ARFGEF2: variants seen among roughly 807,000 people sequenced by gnomAD.
ARFGEF2 encodes the protein brefeldin A-inhibited guanine nucleotide-exchange protein 2.
In ARFGEF2, 74 loss-of-function variants were observed where a neutral mutation model predicts 219.9. That is an observed-to-expected ratio of 0.34 (90% CI 0.28 to 0.41). The LOEUF is 0.41. ARFGEF2 is among the 10% of genes least tolerant of loss of function. ARFGEF2 has a pLI of 1.00. For missense variants in ARFGEF2, 1,743 were observed against 2,218.3 expected (o/e 0.79, Z 4.30); for synonymous variants, 733 against 799.2 (o/e 0.92, Z 1.40).
At chr20:48,929,272 T>TTA (rs1249614096) in intron 1 of ARFGEF2, among the ~76,000 whole-genome samples, 1 of 152,260 alleles carries the variant, frequency 6.6e-6, no homozygotes, top group Non-Finnish European at 1.5e-5. Flanking sequence ...TTATTAGGTT[T>TTA]TATACCTTTG....
At chr20:48,922,566 A>T (rs1002737506) in intron 1 of ARFGEF2, among the ~76,000 whole-genome samples, 1 of 152,250 alleles carries the variant, frequency 6.6e-6, no homozygotes, top group Admixed American at 6.5e-5. Flanking sequence ...ACATCTGCTT[A>T]TTCCTAGCAG....
In ARFGEF2 at chr20:48,985,393, G is replaced by C. The variant is rs2091321159; in HGVS notation, c.2071-15G>C. 1.2e-6 allele frequency: 2 copies of C among 1,613,904 alleles called. No homozygotes were observed. Among genetic ancestry groups the C allele is most frequent in the Middle Eastern group, 1.6e-4 (1 of 6,062 alleles). ...TTTGACAATTTCTGGATATAAGTGAGTGTGTATGTTTCAGACCCAAGTAGG... is the reference window on the plus strand; with the variant it reads ...TTTGACAATTTCTGGATATAAGTGACTGTGTATGTTTCAGACCCAAGTAGG... On this transcript the variant is annotated splice_polypyrimidine_tract_variant and intron_variant, in intron 15 of 38. Coordinates refer to ENST00000371917, the MANE Select transcript of ARFGEF2 (RefSeq NM_006420.3).
Position 49,010,341 on chromosome 20 carries a change from G to A in ARFGEF2, c.3694G>A (p.Ala1232Thr). The A allele has an allele frequency of 6.2e-7, 1 of 1,614,172 alleles. No individual in the cohort carries two copies. Residue 1232 changes from alanine to threonine, a missense_variant, in exon 27 of 39, where the codon GCA (alanine) becomes ACA (threonine). Physicochemically the swap from Ala to Thr is moderately conservative, Grantham distance 58. Transcript: ENST00000371917. ...WKNIFAVFHQ[A>T]ASDHDGNIVE... ...GAACATCTTTGCCGTGTTCCACCAG[G>A]CAGCCTCTGATCATGATGGGAACAT...
chr20:48,951,855 C>T (rs1168467309), intron 4 of ARFGEF2, among the ~76,000 whole-genome samples: 1 of 152,070 alleles, frequency 6.6e-6, no homozygotes, highest in Non-Finnish European at 1.5e-5. Flanking sequence ...AATGGTTTGG[C>T]ACAGATAGTA....
rs548782786 is a variant in ARFGEF2, at chr20:48,988,774, G to A, written c.2533+112G>A. On this transcript the variant is annotated intron_variant, in intron 18 of 38. Coordinates refer to ENST00000371917, the MANE Select transcript of ARFGEF2 (RefSeq NM_006420.3). The stretch of plus-strand genomic sequence containing the variant: ...ATGTGCATAGCTGGATATCTGAATA[G>A]GAAATGTGATTGAATTAATTATTGT... The A allele has an allele frequency of 3.1e-6, 3 of 978,984 alleles. No individual in the cohort carries two copies. In the South Asian group the frequency reaches 4.4e-5, roughly 14 times the overall value. The allele number at this position is 978,984 out of a possible 1,614,324, so 60.6% of individuals were successfully genotyped here.
chr20:48,933,147 C>T (rs371796621), intron 1 of ARFGEF2, among the ~76,000 whole-genome samples: 2 of 152,338 alleles, frequency 1.3e-5, no homozygotes, highest in Middle Eastern at 3.4e-3. Context: ...GCAGCTGCCC[C>T]ACCCTGCTCC....
chr20:48,929,844 T>C (rs558593862), intron 1 of ARFGEF2, among the ~76,000 whole-genome samples: 90 of 152,018 alleles, frequency 5.9e-4, no homozygotes, highest in Non-Finnish European at 1.2e-3. Flanking sequence ...GTGGGAGAGG[T>C]AGGCCAAGAC....
intron 14 of ARFGEF2, among the ~76,000 whole-genome samples, chr20:48,982,173 G>A (rs1367711144): frequency 2.0e-5 from 3 of 152,138 alleles, no homozygotes; most frequent in Admixed American, 6.5e-5. Context: ...TTTTGGTGTG[G>A]ATGTCATTTT....
intron 9 of ARFGEF2, among the ~76,000 whole-genome samples, chr20:48,969,506 T>G (rs575524036): frequency 6.6e-6 from 1 of 152,386 alleles, no homozygotes; most frequent in Non-Finnish European, 1.5e-5. Flanking sequence ...TTTGCTTTTC[T>G]TGGCATATGA....
At chr20:48,949,879 T>G (rs1352800689) in intron 3 of ARFGEF2, among the ~76,000 whole-genome samples, 3 of 152,138 alleles carry the variant, frequency 2.0e-5, no homozygotes, top group African/African-American at 2.4e-5. Flanking sequence ...AGAGAATGCC[T>G]TAGAGTTCAC....
intron 36 of ARFGEF2, among the ~76,000 whole-genome samples, chr20:49,028,190 G>A (rs1461545954): frequency 1.3e-5 from 2 of 152,036 alleles, no homozygotes; most frequent in Non-Finnish European, 2.9e-5. Context: ...CCTGGGAGGC[G>A]GAGGTTGCAG....
chr20:49,032,478 C>T (rs2091641806), intron 38 of ARFGEF2, among the ~76,000 whole-genome samples: 1 of 152,118 alleles, frequency 6.6e-6, no homozygotes, highest in African/African-American at 2.4e-5. Flanking sequence ...CCAGTTTTGA[C>T]CTAGGAACCT....
rs375959505 is a variant in ARFGEF2 at position 49,005,826 on chromosome 20, A to G, written c.3584+605A>G. On this transcript the variant is annotated intron_variant, in intron 26 of 38. Coordinates refer to ENST00000371917, the MANE Select transcript of ARFGEF2 (RefSeq NM_006420.3). ...GGGAGATTAAAGGAAGAGCCACTGC[A>G]GAAGCATCCTCAAACCAGGATAAGA... Among the ~76,000 whole-genome samples, 14 of 152,014 alleles carry G rather than the reference A, an allele frequency of 9.2e-5. 1 individual carries two copies. Among genetic ancestry groups the G allele is most frequent in the South Asian group, 8.3e-4 (4 of 4,812 alleles).
rs374480057 is a variant in ARFGEF2 at position 48,991,887 on chromosome 20, A to G, written c.2973+689A>G. On this transcript the variant is annotated intron_variant, in intron 21 of 38. Transcript: ENST00000371917. Reference sequence around the variant, plus strand: ...GTGCTCTCTGATGGAAGTACACAATACTACCTAAGAAATGTTCTAGCCCCA... The same window carrying G: ...GTGCTCTCTGATGGAAGTACACAATGCTACCTAAGAAATGTTCTAGCCCCA... 8.5e-5 allele frequency among the ~76,000 whole-genome samples: 13 copies of G among 152,330 alleles called. No individual in the cohort carries two copies. The East Asian group carries it at 1.7e-3, about 20-fold the overall frequency.
chr20:48,944,613 A>G (rs1425777080), intron 3 of ARFGEF2, among the ~76,000 whole-genome samples: 1 of 152,148 alleles, frequency 6.6e-6, no homozygotes, highest in African/African-American at 2.4e-5. Context: ...GGCTTGCACA[A>G]CCACACCCAG....
rs1264717154 is a variant in ARFGEF2 at position 48,963,893 on chromosome 20, T to C, written c.902T>C (p.Ile301Thr). The C allele has an allele frequency of 3.7e-6, 6 of 1,613,656 alleles. No homozygotes were observed. The African/African-American group carries it at 6.7e-5, about 18-fold the overall frequency. Residue 301 changes from isoleucine to threonine, a missense_variant, in exon 7 of 39, where the codon ATT (isoleucine) becomes ACT (threonine). Coordinates refer to ENST00000371917, the MANE Select transcript of ARFGEF2 (RefSeq NM_006420.3). ...TTGGAAGATGTAGTCACATCTGCCA[T>C]TAAAGGTAAGAACCAAGGACAACCC... is the stretch of plus-strand genomic sequence containing the variant. ...DILEDVVTSA[I>T]KEAAEKHGLT...
intron 6 of ARFGEF2, among the ~76,000 whole-genome samples, chr20:48,960,033 A>G (rs1200203494): frequency 6.6e-6 from 1 of 152,270 alleles, no homozygotes; most frequent in East Asian, 1.9e-4. Flanking sequence ...ACTCGCAGTC[A>G]TGCATTGCTT....
intron 7 of ARFGEF2, among the ~76,000 whole-genome samples, chr20:48,965,590 G>C (rs2091182308): frequency 6.6e-6 from 1 of 152,166 alleles, no homozygotes; most frequent in Non-Finnish European, 1.5e-5. Context: ...GGGGTGGGTA[G>C]GGCTGCTGCA....
Position 48,922,118 on chromosome 20 carries a change from C to T in ARFGEF2, c.121+108C>T. The T allele has an allele frequency of 2.7e-6, 4 of 1,460,158 alleles. No individual in the cohort carries two copies. In the South Asian group the frequency reaches 3.9e-5, roughly 14 times the overall value. The allele number at this position is 1,460,158 out of a possible 1,614,324, so 90.5% of individuals were successfully genotyped here. A position where few individuals can be genotyped will look rare whatever the true frequency, so the allele number is the denominator to read the frequency against. ...TCCTGGCCTCCGCTTCCCCCCGATCCCGAATTCCACCCTTCCGGCCTCCTC... is the reference window on the plus strand; with the variant it reads ...TCCTGGCCTCCGCTTCCCCCCGATCTCGAATTCCACCCTTCCGGCCTCCTC... On this transcript the variant is annotated intron_variant, in intron 1 of 38. Transcript: ENST00000371917.
Sources: allele counts gnomAD v4.1 joint callset (sites outside exome capture counted in the v4.1 genomes callset), GRCh38; gene constraint gnomAD v4.1.1; transcripts MANE v1.5; gene names NCBI Gene and HGNC (gene_info 2026-07-23, HGNC 2026-07-21).